TNFRSF14: variants seen among roughly 807,000 people sequenced by gnomAD.
The protein encoded by TNFRSF14 is tumor necrosis factor receptor superfamily member 14.
In TNFRSF14, 18 loss-of-function variants were observed where a neutral mutation model predicts 34.1. That is an observed-to-expected ratio of 0.53 (90% CI 0.36 to 0.78). The LOEUF (loss-of-function observed/expected upper bound fraction) is 0.78. Ranked by LOEUF, TNFRSF14 falls within the 30% of genes least tolerant of loss-of-function variation. The pLI, the probability that TNFRSF14 is intolerant of heterozygous loss-of-function variation, is 0.00. For synonymous variants in TNFRSF14, 157 were observed against 153.2 expected (o/e 1.02, Z -0.18); for missense variants, 352 against 379.5 (o/e 0.93, Z 0.60).
Position 2,557,718 on chromosome 1 carries a change from C to T in TNFRSF14, c.70-8C>T, listed in dbSNP as rs1234128256. The T allele has an allele frequency of 6.9e-6, 11 of 1,595,112 alleles. No homozygotes were observed. The highest frequency in any genetic ancestry group is 7.7e-6 in the Non-Finnish European group (9 of 1,169,270). On this transcript the variant is annotated splice_region_variant and splice_polypyrimidine_tract_variant and intron_variant, in intron 1 of 7. Coordinates refer to ENST00000355716, the MANE Select transcript of TNFRSF14 (RefSeq NM_003820.4). ...GGCATCTCCCAATGCCTGTCCTGAC[C>T]CCCTTAGGTGCTGTATCTCACCTTC...
intron 3 of TNFRSF14, chr1:2,559,210 A>C: frequency 7.3e-7 from 1 of 1,369,826 alleles, no homozygotes; most frequent in Non-Finnish European, 9.6e-7. Flanking sequence ...GGGTTCATGC[A>C]TGTAGGCTGG....
At position 2,556,561 on chromosome 1, in the gene TNFRSF14, TTC is replaced by T. The variant is rs1272851150; in HGVS notation, c.-100_-99del. The T allele has an allele frequency of 3.4e-6, 4 of 1,163,132 alleles. No homozygotes were observed. The African/African-American group carries it at 6.1e-5, about 18-fold the overall frequency. 72.1% of individuals were successfully genotyped at this position (1,163,132 alleles called of 1,614,324 possible). A position where few individuals can be genotyped will look rare whatever the true frequency, so the allele number is the denominator to read the frequency against. ...ACACCGAGGCGGATTCTCTTTCTCT[TTC>T]TCTTTCTCTTCTGGCCCACAGCCGC... is the stretch of plus-strand genomic sequence containing the variant. On this transcript the variant is annotated 5_prime_UTR_variant, in exon 1 of 8. Transcript: ENST00000355716.
chr1:2,558,977 T>G (rs1343763941), intron 3 of TNFRSF14: 16 of 1,366,252 alleles, frequency 1.2e-5, no homozygotes, highest in Non-Finnish European at 1.5e-5. Flanking sequence ...GACCCAGAGG[T>G]GGCCTTTGAG....
chr1:2,558,857 G>C (rs1174921084), intron 3 of TNFRSF14: 2 of 1,326,504 alleles, frequency 1.5e-6, no homozygotes, highest in Non-Finnish European at 2.0e-6. Flanking sequence ...TCCCCACAGG[G>C]CTTCTTGTCC....
chr1:2,562,923 C>G, intron 7 of TNFRSF14, 27 bp downstream of exon 7: 1 of 1,579,020 alleles, frequency 6.3e-7, no homozygotes, highest in Non-Finnish European at 8.7e-7. Flanking sequence ...CCCTCTCCCT[C>G]CCCCCTCCAC....
chr1:2,557,192 T>C (rs554385530), intron 1 of TNFRSF14, among the ~76,000 whole-genome samples: 3 of 152,158 alleles, frequency 2.0e-5, no homozygotes, highest in Non-Finnish European at 4.4e-5. Context: ...CATGTGGCAC[T>C]CCTGCCTGTC....
chr1:2,556,538 A>G lies in TNFRSF14; in HGVS notation c.-127A>G. 1.0e-6 allele frequency: 1 copy of G among 990,840 alleles called. No homozygotes were observed. The highest frequency in any genetic ancestry group is 1.6e-6 in the Non-Finnish European group (1 of 638,602). The allele number at this position is 990,840 out of a possible 1,614,324, so 61.4% of individuals were successfully genotyped here. On this transcript the variant is annotated 5_prime_UTR_variant, in exon 1 of 8. Coordinates refer to ENST00000355716, the MANE Select transcript of TNFRSF14 (RefSeq NM_003820.4). ...CGGGTTCTGAGGCACAGCTTGTCAC[A>G]CCGAGGCGGATTCTCTTTCTCTTTC...
In TNFRSF14 at chr1:2,559,693, T is replaced by G. The variant is rs11573980; in HGVS notation, c.305-130T>G. 3.8e-3 allele frequency: 5,891 copies of G among 1,535,946 alleles called. 183 individuals are homozygous for G. In the African/African-American group the frequency reaches 0.071, roughly 18 times the overall value. Reference sequence around the variant, plus strand: ...TGCTGGGTACCTCTGGGCACCTCGTTTGGCTGAGCCAGGGGTTCAGCCTGG... The same window carrying G: ...TGCTGGGTACCTCTGGGCACCTCGTGTGGCTGAGCCAGGGGTTCAGCCTGG... On this transcript the variant is annotated intron_variant, in intron 3 of 7. Coordinates refer to ENST00000355716, the MANE Select transcript of TNFRSF14 (RefSeq NM_003820.4).
chr1:2,558,315 T>G (rs776244732), intron 2 of TNFRSF14, 28 bp from the exon 3 acceptor site: 19 of 1,586,086 alleles, frequency 1.2e-5, no homozygotes, highest in South Asian at 2.3e-5. Flanking sequence ...CCCGCAGACT[T>G]GCGAAGTTCC....
chr1:2,555,977 C>T (rs932433109), upstream of TNFRSF14: 50 of 199,786 alleles, frequency 2.5e-4, no homozygotes, highest in Admixed American at 1.4e-3. The surrounding 1 kb of genome is among the most constrained non-coding windows in gnomAD (Gnocchi z 6.3). Context: ...TCCCAGTCCG[C>T]GCAGCGTCTC....
At chr1:2,563,040 C>T in intron 7 of TNFRSF14, 108 bp from the exon 8 acceptor site, 1 of 1,580,394 alleles carries the variant, frequency 6.3e-7, no homozygotes, top group Non-Finnish European at 8.6e-7. Context: ...CACGGTAGCT[C>T]AGGAAAGAAC....
chr1:2,559,947 C>T lies in TNFRSF14; in HGVS notation c.429C>T (p.Thr143=), dbSNP rs1352113895. The part of the protein sequence containing the change: ...DHCAACRAYA[T]SSPGQRVQKG... ...GCGCCGCGTGCCGCGCTTACGCCAC[C>T]TCCAGCCCGGGCCAGAGGGTGCAGA... is the stretch of plus-strand genomic sequence containing the variant. The change falls in exon 4 of 8, where the codon ACC becomes ACT. Residue 143 remains threonine, a synonymous_variant. Coordinates refer to ENST00000355716, the MANE Select transcript of TNFRSF14 (RefSeq NM_003820.4). 6.3e-7 allele frequency: 1 copy of T among 1,590,678 alleles called. No individual in the cohort carries two copies. Among genetic ancestry groups the T allele is most frequent in the Admixed American group, 1.7e-5 (1 of 58,004 alleles).
chr1:2,555,250 C>G (rs1033699652), upstream of TNFRSF14: 1 of 152,426 alleles, frequency 6.6e-6, no homozygotes, highest in Non-Finnish European at 1.5e-5. The surrounding 1 kb of genome is among the most constrained non-coding windows in gnomAD (Gnocchi z 6.3). Flanking sequence ...GCTCGGGACG[C>G]TTGGCCCCAC....
In TNFRSF14 at chr1:2,556,569, C is replaced by G. The variant is rs1341968842; in HGVS notation, c.-96C>G. 3.3e-6 allele frequency: 4 copies of G among 1,224,248 alleles called. No homozygotes were observed. The highest frequency in any genetic ancestry group is 5.0e-5 in the East Asian group (2 of 39,894). 75.8% of individuals were successfully genotyped at this position (1,224,248 alleles called of 1,614,324 possible). A position where few individuals can be genotyped will look rare whatever the true frequency, so the allele number is the denominator to read the frequency against. On this transcript the variant is annotated 5_prime_UTR_variant, in exon 1 of 8. Coordinates refer to ENST00000355716, the MANE Select transcript of TNFRSF14 (RefSeq NM_003820.4). ...GCGGATTCTCTTTCTCTTTCTCTTT[C>G]TCTTCTGGCCCACAGCCGCAGCAAT...
At chr1:2,563,100 C>T (rs1396212800) in intron 7 of TNFRSF14, 48 bp from the exon 8 acceptor site, 1 of 1,607,198 alleles carries the variant, frequency 6.2e-7, no homozygotes, top group Non-Finnish European at 8.5e-7. Context: ...ACCTGGAGTC[C>T]CAGGGGGGCC....
chr1:2,559,317 G>A lies in TNFRSF14; in HGVS notation c.305-506G>A. Reference sequence around the variant, plus strand: ...CTTGGGCTGAGGATGTGGGGGCACAGGTGGCAGGTGAGGCTGCCCTCAGGA... The same window carrying A: ...CTTGGGCTGAGGATGTGGGGGCACAAGTGGCAGGTGAGGCTGCCCTCAGGA... On this transcript the variant is annotated intron_variant, in intron 3 of 7. Transcript: ENST00000355716. 3 of 1,368,632 alleles carry A rather than the reference G, an allele frequency of 2.2e-6. No homozygotes were observed. In the South Asian group the frequency reaches 3.7e-5, roughly 17 times the overall value. The allele number at this position is 1,368,632 out of a possible 1,614,324, so 84.8% of individuals were successfully genotyped here.
chr1:2,557,072 G>A (rs1186090672), intron 1 of TNFRSF14: 1 of 344,572 alleles, frequency 2.9e-6, no homozygotes, highest in Non-Finnish European at 5.3e-6. Context: ...CGGGGCCCTC[G>A]AGCAGGTGAC....
At position 2,561,009 on chromosome 1, in the gene TNFRSF14, G is replaced by T; in HGVS notation, c.551+295G>T. 2.3e-6 allele frequency: 1 copy of T among 441,690 alleles called. No homozygotes were observed. The highest frequency in any genetic ancestry group is 4.0e-6 in the Non-Finnish European group (1 of 247,756). The allele number at this position is 441,690 out of a possible 1,614,324, so 27.4% of individuals were successfully genotyped here. ...CTGCCTCCAGATCCCCTGTCCCCTG[G>T]GGCTGTGGGTGTCCCTGAATGTCAG... On this transcript the variant is annotated intron_variant, in intron 5 of 7. Transcript: ENST00000355716. The surrounding 1 kb of genome is among the most constrained non-coding windows in gnomAD (Gnocchi z 6.0).
intron 2 of TNFRSF14, 76 bp downstream of exon 2, chr1:2,557,910 C>G: frequency 8.2e-7 from 1 of 1,226,136 alleles, no homozygotes; most frequent in Non-Finnish European, 1.1e-6. Context: ...CCCAGACACC[C>G]CTGTGTTCTC....
Sources: gnomAD v4.1 joint callset for allele counts (sites outside exome capture counted in the v4.1 genomes callset) on GRCh38, gnomAD v4.1.1 for gene constraint, Gnocchi (gnomAD v3.1) non-coding constraint, MANE v1.5 for transcripts, NCBI Gene and HGNC (gene_info 2026-07-23, HGNC 2026-07-21) for gene names.